The following UBAP2L variants were observed in gnomAD, a reference collection of about 807,000 sequenced individuals.
The protein encoded by UBAP2L is ubiquitin associated protein 2 like, also known as ubiquitin-associated protein 2-like.
A neutral mutation model predicts 130.6 loss-of-function variants in UBAP2L; 12 were observed. That is an observed-to-expected ratio of 0.09 (90% confidence interval 0.06 to 0.15). The LOEUF (loss-of-function observed/expected upper bound fraction) is 0.15, where lower values mean the gene tolerates loss of function less well. Ranked by LOEUF, UBAP2L falls within the 10% of genes least tolerant of loss-of-function variation. The pLI is 1.00. For missense variants in UBAP2L, 965 were observed against 1,332.5 expected, an observed-to-expected ratio of 0.72 and a Z score of 4.29; for synonymous variants, 503 against 524.7, an observed-to-expected ratio of 0.96 and a Z score of 0.57.
chr1:154,256,825 G>A (rs1209002594), intron 18 of UBAP2L, among the ~76,000 whole-genome samples: 2 of 152,184 alleles, frequency 1.3e-5, no homozygotes, highest in Admixed American at 1.3e-4. Flanking sequence ...TTCTGAACAG[G>A]ATGATGATGT....
At chr1:154,269,735 G>A in intron 26 of UBAP2L, 1 of 279,486 alleles carries the variant, frequency 3.6e-6, no homozygotes, top group South Asian at 3.4e-5. Flanking sequence ...ATGTGTGGTA[G>A]GGGTGGGGAT....
In UBAP2L at chr1:154,270,758, G is replaced by GT; in HGVS notation, c.*463_*464insT. ...CATTGTCAGATGAATTAGTTGAAGTGGTTTTTTTTTTGTTTTTTTTTTTTT... is the reference window on the plus strand; with the variant it reads ...CATTGTCAGATGAATTAGTTGAAGTGTGTTTTTTTTTTGTTTTTTTTTTTTT... On this transcript the variant is annotated 3_prime_UTR_variant, in exon 27 of 27. Coordinates refer to ENST00000428931, the MANE Select transcript of UBAP2L (RefSeq NM_014847.4). The GT allele has an allele frequency of 7.4e-7, 1 of 1,352,024 alleles. No homozygotes were observed. Among genetic ancestry groups the GT allele is most frequent in the Non-Finnish European group, 9.6e-7 (1 of 1,042,460 alleles). The allele number at this position is 1,352,024 out of a possible 1,614,324, so 83.8% of individuals were successfully genotyped here.
At chr1:154,246,937 T>C (rs1382706275) in intron 11 of UBAP2L, among the ~76,000 whole-genome samples, 12 of 152,216 alleles carry the variant, frequency 7.9e-5, no homozygotes, top group Non-Finnish European at 1.5e-4. Flanking sequence ...AGTAGTGATA[T>C]TATAAATAAC....
In UBAP2L at chr1:154,270,509, T is replaced by A; in HGVS notation, c.*214T>A. ...AGGATTTGTATTTTCTCCTTTTTTTTCCCCCTTCCATTCCTTCTCCCCTCT... is the reference window on the plus strand; with the variant it reads ...AGGATTTGTATTTTCTCCTTTTTTTACCCCCTTCCATTCCTTCTCCCCTCT... On this transcript the variant is annotated 3_prime_UTR_variant, in exon 27 of 27. Transcript: ENST00000428931. 6.9e-7 allele frequency: 1 copy of A among 1,451,740 alleles called. No homozygotes were observed. Among genetic ancestry groups the A allele is most frequent in the Non-Finnish European group, 9.0e-7 (1 of 1,106,934 alleles). 89.9% of individuals were successfully genotyped at this position (1,451,740 alleles called of 1,614,324 possible). A position where few individuals can be genotyped will look rare whatever the true frequency, so the allele number is the denominator to read the frequency against.
intron 21 of UBAP2L, 150 bp from the exon 22 acceptor site, chr1:154,259,798 T>C: frequency 1.2e-6 from 1 of 854,934 alleles, no homozygotes; most frequent in Non-Finnish European, 2.0e-6. Flanking sequence ...AAGAGTAATG[T>C]GGAGTTTGTG....
rs534121450 is a variant in UBAP2L, at chr1:154,246,386, A to C, written c.1014+11A>C. 6.2e-7 allele frequency: 1 copy of C among 1,607,544 alleles called. No homozygotes were observed. Among genetic ancestry groups the C allele is most frequent in the East Asian group, 2.2e-5 (1 of 44,736 alleles). On this transcript the variant is annotated intron_variant, in intron 11 of 26. Coordinates refer to ENST00000428931, the MANE Select transcript of UBAP2L (RefSeq NM_014847.4). ...TCTCATCACAGTATGGTGAGTAGGAAACGTGGTTTATCCTAATCAAACCTT... is the reference window on the plus strand; with the variant it reads ...TCTCATCACAGTATGGTGAGTAGGACACGTGGTTTATCCTAATCAAACCTT...
intron 1 of UBAP2L, among the ~76,000 whole-genome samples, chr1:154,222,446 A>G (rs367622395): frequency 1.3e-5 from 2 of 152,256 alleles, no homozygotes; most frequent in South Asian, 2.1e-4. Context: ...GACTATCTCA[A>G]TGATTGTTTC....
Position 154,225,143 on chromosome 1 carries a change from C to T in UBAP2L, c.20C>T (p.Thr7Ile). The T allele has an allele frequency of 6.2e-7, 1 of 1,614,106 alleles. No homozygotes were observed. Among genetic ancestry groups the T allele is most frequent in the Non-Finnish European group, 8.5e-7 (1 of 1,180,010 alleles). Residue 7 changes from threonine to isoleucine, a missense_variant, in exon 2 of 27, where the codon ACT becomes ATT. By Grantham distance (89) the Thr-to-Ile change is moderately conservative (BLOSUM62 -1). Around this residue, in one of 9 missense-constraint regions of UBAP2L, gnomAD observed 24 missense variants for 27.7 expected, o/e 0.87. Coordinates refer to ENST00000428931, the MANE Select transcript of UBAP2L (RefSeq NM_014847.4). ...CTGTAAATGATGACATCGGTGGGCA[C>T]TAACCGAGCCCGGGGAAACTGGGAA... MMTSVG[T>I]NRARGNWEQP...
chr1:154,249,528 G>A (rs1676776485), intron 12 of UBAP2L, 91 bp downstream of exon 12: 1 of 1,512,156 alleles, frequency 6.6e-7, no homozygotes, highest in Non-Finnish European at 9.0e-7. Flanking sequence ...AATGTGTCCT[G>A]AAGTGAAGAA....
intron 8 of UBAP2L, among the ~76,000 whole-genome samples, chr1:154,241,023 ATATCCT>A (rs1412813414): frequency 6.8e-6 from 1 of 147,304 alleles, no homozygotes; most frequent in Non-Finnish European, 1.5e-5. Flanking sequence ...GTACTCTGAG[ATATCCT>A]TTTCTAAAGA....
intron 24 of UBAP2L, chr1:154,263,607 C>A: frequency 1.3e-6 from 1 of 744,740 alleles, no homozygotes; most frequent in Non-Finnish European, 1.6e-6. Context: ...CCCAGCATAG[C>A]CAAAGAACTA....
chr1:154,236,093 A>G (rs1323375402), intron 6 of UBAP2L, among the ~76,000 whole-genome samples: 1 of 152,196 alleles, frequency 6.6e-6, no homozygotes, highest in Admixed American at 6.5e-5. Context: ...AAATCTCTCA[A>G]CAGTAATGAT....
intron 10 of UBAP2L, among the ~76,000 whole-genome samples, chr1:154,245,878 G>A (rs1430242548): frequency 6.6e-6 from 1 of 152,150 alleles, no homozygotes; most frequent in Non-Finnish European, 1.5e-5. Context: ...TTGCACCACT[G>A]CACTCCAGCC....
intron 22 of UBAP2L, 62 bp from the exon 23 acceptor site, chr1:154,260,830 A>G: frequency 6.8e-7 from 1 of 1,481,432 alleles, no homozygotes; most frequent in Non-Finnish European, 9.4e-7. Context: ...AAATCAGAAG[A>G]GGTAATTCTG....
intron 25 of UBAP2L, among the ~76,000 whole-genome samples, chr1:154,267,066 G>A (rs1558236464): frequency 2.0e-5 from 3 of 152,036 alleles, no homozygotes; most frequent in Admixed American, 2.0e-4. Flanking sequence ...AAAGCACTGG[G>A]GGTCTGGGGG....
intron 24 of UBAP2L, among the ~76,000 whole-genome samples, chr1:154,262,937 A>G (rs1490292547): frequency 6.6e-6 from 1 of 152,094 alleles, no homozygotes; most frequent in Non-Finnish European, 1.5e-5. Flanking sequence ...TAGGTGATGG[A>G]TAATATAAGA....
intron 15 of UBAP2L, 155 bp from the exon 16 acceptor site, chr1:154,254,681 A>G: frequency 2.5e-6 from 2 of 808,104 alleles, no homozygotes; most frequent in Admixed American, 3.2e-5. Context: ...GGTTTTTTGG[A>G]TAGTCTACAT....
chr1:154,249,507 A>T, intron 12 of UBAP2L, 70 bp downstream of exon 12: 1 of 1,574,562 alleles, frequency 6.4e-7, no homozygotes, highest in Non-Finnish European at 8.7e-7. Flanking sequence ...TAGCAGGGGG[A>T]GGGGGTGGAG....
chr1:154,224,258 T>C (rs188146022), intron 1 of UBAP2L, among the ~76,000 whole-genome samples: 47 of 152,304 alleles, frequency 3.1e-4, no homozygotes, highest in African/African-American at 9.9e-4. Context: ...CAAATAAAAC[T>C]TTGTGCTAGA....
Sources: gnomAD v4.1 joint callset for allele counts (sites outside exome capture counted in the v4.1 genomes callset) on GRCh38, gnomAD v4.1.1 for gene constraint, gnomAD v4.1.1 regional missense constraint, MANE v1.5 for transcripts, NCBI Gene and HGNC (gene_info 2026-07-23, HGNC 2026-07-21) for gene names.